The following BCL7C variants were observed in gnomAD, a reference collection of about 807,000 sequenced individuals.
The protein encoded by BCL7C is B-cell CLL/lymphoma 7 protein family member C.
In BCL7C, 8 loss-of-function variants were observed where a neutral mutation model predicts 26.2. The observed-to-expected ratio is 0.30, with a 90% CI of 0.18 to 0.55. The LOEUF (loss-of-function observed/expected upper bound fraction) is 0.55, where lower values mean the gene tolerates loss of function less well. Among genes scored for constraint, BCL7C ranks in the 20% least tolerant of loss-of-function variants. BCL7C has a pLI of 0.93. For synonymous variants in BCL7C, 90 were observed against 116.5 expected (o/e 0.77, Z 1.47); for missense variants, 262 against 298.5 (o/e 0.88, Z 0.90).
intron 5 of BCL7C, among the ~76,000 whole-genome samples, chr16:30,864,541 T>C (rs546247245): frequency 6.6e-6 from 1 of 152,294 alleles, no homozygotes; most frequent in African/African-American, 2.4e-5. Context: ...CTGCCCCTAA[T>C]CCTGCTCGAA....
At chr16:30,874,177 G>T (rs1476102345) in intron 5 of BCL7C, among the ~76,000 whole-genome samples, 1 of 151,738 alleles carries the variant, frequency 6.6e-6, no homozygotes, top group African/African-American at 2.4e-5. Flanking sequence ...TGTATTTTTA[G>T]TAGAGACAGG....
chr16:30,875,483 A>G (rs1596607378), intron 5 of BCL7C: 1 of 152,226 alleles, frequency 6.6e-6, no homozygotes, highest in Admixed American at 6.5e-5. Context: ...GGAGCGTCAC[A>G]AAGGTTGGAA....
At chr16:30,879,700 A>AAAAAAAAAAAAAAAAAAAAAAC in intron 5 of BCL7C, among the ~76,000 whole-genome samples, 85 of 134,988 alleles carry the variant, frequency 6.3e-4, no homozygotes, top group Non-Finnish European at 1.3e-3. Flanking sequence ...AAAAAAAAAA[A>AAAAAAAAAAAAAAAAAAAAAAC]AAAAAAAAAC....
At chr16:30,889,139 T>C (rs1299918791) in intron 4 of BCL7C, among the ~76,000 whole-genome samples, 194 bp from the exon 5 acceptor site, 1 of 152,106 alleles carries the variant, frequency 6.6e-6, no homozygotes, top group African/African-American at 2.4e-5. Flanking sequence ...TCGAGGGTGA[T>C]GCGGTGGACA....
rs2054560038 is a variant in BCL7C, at chr16:30,834,884, AG to A, written c.*63del. On this transcript the variant is annotated 3_prime_UTR_variant, in exon 6 of 6. Transcript: ENST00000380317. This position sits in a 1 kb window ranked among gnomAD's most constrained non-coding sequence, Gnocchi z 4.3. ...CTCTTTCCGCCCTCGGGGCACAGGT[AG>A]TGGCTGGATCTTGGGGCAGCCAAGG... 1 of 1,400,942 alleles carries A rather than the reference AG, an allele frequency of 7.1e-7. No individual in the cohort carries two copies. The highest frequency in any genetic ancestry group is 1.5e-5 in the African/African-American group (1 of 68,734). The allele number at this position is 1,400,942 out of a possible 1,614,324, so 86.8% of individuals were successfully genotyped here.
At chr16:30,850,620 GGTAA>G (rs1311434864) in intron 5 of BCL7C, among the ~76,000 whole-genome samples, 17 of 152,200 alleles carry the variant, frequency 1.1e-4, no homozygotes, top group African/African-American at 2.9e-4. Context: ...GTAACATGAT[GGTAA>G]GTATTTGTGT....
At chr16:30,847,414 C>T in intron 5 of BCL7C, among the ~76,000 whole-genome samples, 1 of 152,148 alleles carries the variant, frequency 6.6e-6, no homozygotes, top group South Asian at 2.1e-4. Context: ...GTGATAACCT[C>T]ACCTGGGCAA....
chr16:30,859,296 G>A (rs1456767855), intron 5 of BCL7C, among the ~76,000 whole-genome samples: 1 of 152,220 alleles, frequency 6.6e-6, no homozygotes, highest in Non-Finnish European at 1.5e-5. Context: ...AGTGTTTAGA[G>A]ACTGTTTTGC....
chr16:30,857,131 G>A (rs2054729223), intron 5 of BCL7C, among the ~76,000 whole-genome samples: 1 of 152,192 alleles, frequency 6.6e-6, no homozygotes, highest in Admixed American at 6.5e-5. Context: ...GCTTATGCCT[G>A]TAATCCCAGC....
intron 2 of BCL7C, 47 bp from the exon 3 acceptor site, chr16:30,892,995 T>A: frequency 6.5e-7 from 1 of 1,550,238 alleles, no homozygotes; most frequent in Non-Finnish European, 8.8e-7. Context: ...AGCCCCACCA[T>A]ACACCTAAGG....
chr16:30,880,580 C>A (rs938242732), intron 5 of BCL7C, among the ~76,000 whole-genome samples: 3 of 150,966 alleles, frequency 2.0e-5, no homozygotes, highest in African/African-American at 7.3e-5. Context: ...GCGGTTGACT[C>A]TGGGGAGTTG....
intron 5 of BCL7C, among the ~76,000 whole-genome samples, chr16:30,865,539 C>T (rs2054817861): frequency 6.6e-6 from 1 of 152,032 alleles, no homozygotes; most frequent in Non-Finnish European, 1.5e-5. Context: ...GATTATGCCA[C>T]TGCAGTCCAG....
At chr16:30,867,694 G>A (rs2054841041) in intron 5 of BCL7C, among the ~76,000 whole-genome samples, 1 of 152,156 alleles carries the variant, frequency 6.6e-6, no homozygotes, top group African/African-American at 2.4e-5. Context: ...TCAGGAGGCT[G>A]AGACAGGAGA....
At chr16:30,865,230 C>CTTTGT (rs1375323676) in intron 5 of BCL7C, among the ~76,000 whole-genome samples, 2 of 149,292 alleles carry the variant, frequency 1.3e-5, no homozygotes, top group African/African-American at 4.9e-5. Flanking sequence ...TGAGAATGTA[C>CTTTGT]TTTGTATGCC....
At chr16:30,888,099 G>T in intron 5 of BCL7C, 109 bp from the exon 6 acceptor site, 1 of 1,150,692 alleles carries the variant, frequency 8.7e-7, no homozygotes, top group Non-Finnish European at 1.2e-6. Flanking sequence ...GGGCCCGGGA[G>T]GCAAGCCCAG....
intron 5 of BCL7C, among the ~76,000 whole-genome samples, chr16:30,849,005 G>A (rs1238789173): frequency 6.6e-6 from 1 of 151,922 alleles, no homozygotes; most frequent in East Asian, 1.9e-4. Context: ...GGCTAACACG[G>A]TGAAACCCTG....
chr16:30,851,252 T>C, intron 5 of BCL7C: 1 of 277,600 alleles, frequency 3.6e-6, no homozygotes, highest in Non-Finnish European at 7.1e-6. Context: ...AACATTTTTT[T>C]TTTTTTGAAA....
At chr16:30,868,826 C>G (rs1205526710) in intron 5 of BCL7C, among the ~76,000 whole-genome samples, 1 of 151,220 alleles carries the variant, frequency 6.6e-6, no homozygotes, top group African/African-American at 2.4e-5. Flanking sequence ...AGAAAAAGAA[C>G]AGAACGGAAA....
At chr16:30,880,143 G>A (rs2055020471) in intron 5 of BCL7C, among the ~76,000 whole-genome samples, 1 of 151,796 alleles carries the variant, frequency 6.6e-6, no homozygotes, top group Non-Finnish European at 1.5e-5. Context: ...ACTTTACCCA[G>A]TTACTTGGGG....
Sources: gnomAD v4.1 joint callset for allele counts (sites outside exome capture counted in the v4.1 genomes callset) on GRCh38, gnomAD v4.1.1 for gene constraint, Gnocchi (gnomAD v3.1) non-coding constraint, MANE v1.5 for transcripts, NCBI Gene and HGNC (gene_info 2026-07-23, HGNC 2026-07-21) for gene names.